The following GALNTL6 variants were observed in gnomAD, a reference collection of about 807,000 sequenced individuals.
The protein encoded by GALNTL6 is polypeptide N-acetylgalactosaminyltransferase like 6.
A neutral mutation model predicts 73.7 loss-of-function variants in GALNTL6; 46 were observed. The observed-to-expected ratio is 0.62, with a 90% CI of 0.49 to 0.80. GALNTL6 has a LOEUF of 0.80. Among genes scored for constraint, GALNTL6 ranks in the 30% least tolerant of loss-of-function variants. The probability of loss-of-function intolerance (pLI) is 0.00; values close to 1 mark genes in which losing one functional copy is unlikely to be tolerated. For missense variants in GALNTL6, 604 were observed against 755.0 expected (o/e 0.80, Z 2.34); for synonymous variants, 259 against 263.7 (o/e 0.98, Z 0.17).
chr4:172,708,769 A>T (rs1353604860), intron 5 of GALNTL6, among the ~76,000 whole-genome samples: 1 of 152,184 alleles, frequency 6.6e-6, no homozygotes, highest in Non-Finnish European at 1.5e-5. Context: ...CCATATCATA[A>T]TTGTATATCT....
At chr4:172,937,765 A>G (rs1748697150) in intron 9 of GALNTL6, among the ~76,000 whole-genome samples, 1 of 152,222 alleles carries the variant, frequency 6.6e-6, no homozygotes, top group Admixed American at 6.5e-5. Context: ...CATGAGGATG[A>G]GAAAAGGGTT....
At chr4:172,114,627 G>A (rs955860178) in intron 2 of GALNTL6, among the ~76,000 whole-genome samples, 10 of 151,918 alleles carry the variant, frequency 6.6e-5, no homozygotes, top group Non-Finnish European at 1.3e-4. Context: ...GTTATACGTC[G>A]GCACTGTGAG....
At chr4:172,734,099 C>T (rs1424267894) in intron 5 of GALNTL6, among the ~76,000 whole-genome samples, 1 of 152,148 alleles carries the variant, frequency 6.6e-6, no homozygotes, top group East Asian at 1.9e-4. Flanking sequence ...GTCACTCTTG[C>T]TATGCAAAGA....
chr4:172,648,081 G>C (rs1740317455), intron 5 of GALNTL6, among the ~76,000 whole-genome samples: 1 of 152,104 alleles, frequency 6.6e-6, no homozygotes, highest in Non-Finnish European at 1.5e-5. Flanking sequence ...GCTCCGGCAT[G>C]GGTAGATTTT....
intron 2 of GALNTL6, among the ~76,000 whole-genome samples, chr4:172,014,170 T>C (rs1741112871): frequency 6.6e-6 from 1 of 152,102 alleles, no homozygotes; most frequent in Admixed American, 6.6e-5. Context: ...TGAACAGTGC[T>C]GGAATAAACA....
At chr4:172,264,587 T>TGTC (rs1266161869) in intron 3 of GALNTL6, among the ~76,000 whole-genome samples, 1 of 86,782 alleles carries the variant, frequency 1.2e-5, no homozygotes, top group African/African-American at 4.4e-5. Flanking sequence ...TATATATATA[T>TGTC]ATATATTTGG....
chr4:172,631,425 G>C (rs535969801), intron 5 of GALNTL6, among the ~76,000 whole-genome samples: 2 of 152,094 alleles, frequency 1.3e-5, no homozygotes, highest in Non-Finnish European at 2.9e-5. Flanking sequence ...GATTACAGGC[G>C]TGAGCCACTG....
chr4:172,626,336 G>A (rs1285538004), intron 5 of GALNTL6, among the ~76,000 whole-genome samples: 1 of 152,064 alleles, frequency 6.6e-6, no homozygotes, highest in Non-Finnish European at 1.5e-5. Flanking sequence ...CAGGTGTGGG[G>A]CTTCATTTCT....
At chr4:172,915,326 C>A (rs1747444455) in intron 8 of GALNTL6, among the ~76,000 whole-genome samples, 1 of 152,118 alleles carries the variant, frequency 6.6e-6, no homozygotes, top group Admixed American at 6.5e-5. Context: ...CCTAACATCA[C>A]AATCAAAAGA....
chr4:171,986,659 G>A (rs558448739), intron 2 of GALNTL6, among the ~76,000 whole-genome samples: 1 of 152,208 alleles, frequency 6.6e-6, no homozygotes, highest in South Asian at 2.1e-4. Context: ...GGTAAGGGGT[G>A]ATCTTGTGGG....
rs201902330 is a variant in GALNTL6, at chr4:172,528,991, G to GTA, written c.553+180317_553+180318dup. ...TGTGTGTATATTTATACATATGTGT[G>GTA]TATATATATATATATACACACACAC... On this transcript the variant is annotated intron_variant, in intron 5 of 12. Coordinates refer to ENST00000506823, the MANE Select transcript of GALNTL6 (RefSeq NM_001034845.3). Among the ~76,000 whole-genome samples, 227 of 96,654 alleles carry GTA rather than the reference G, an allele frequency of 2.3e-3. 5 individuals are homozygous for GTA. Among genetic ancestry groups the GTA allele is most frequent in the African/African-American group, 7.7e-3 (214 of 27,704 alleles). 63.4% of individuals were successfully genotyped at this position (96,654 alleles called of 152,430 possible).
At chr4:172,797,537 G>GC (rs1239313086) in intron 5 of GALNTL6, among the ~76,000 whole-genome samples, 1 of 151,108 alleles carries the variant, frequency 6.6e-6, no homozygotes, top group Non-Finnish European at 1.5e-5. Flanking sequence ...GAGCCACCAC[G>GC]CCCGGCCTAT....
chr4:172,138,173 T>C (rs1733685749), intron 2 of GALNTL6, among the ~76,000 whole-genome samples: 2 of 152,014 alleles, frequency 1.3e-5, no homozygotes, highest in Admixed American at 1.3e-4. Flanking sequence ...AAAAAACTTA[T>C]AACTTGTTCA....
At chr4:171,831,882 A>C (rs1734985812) in intron 2 of GALNTL6, among the ~76,000 whole-genome samples, 1 of 151,652 alleles carries the variant, frequency 6.6e-6, no homozygotes, top group Non-Finnish European at 1.5e-5. Context: ...ATTATAAGAA[A>C]ATATGTGGAT....
chr4:171,872,275 G>A (rs942072688), intron 2 of GALNTL6, among the ~76,000 whole-genome samples: 3 of 152,040 alleles, frequency 2.0e-5, no homozygotes, highest in African/African-American at 7.2e-5. Flanking sequence ...GCCTAAGCCA[G>A]GTAGCTGTAT....
chr4:173,018,332 C>T (rs144599160), intron 11 of GALNTL6, among the ~76,000 whole-genome samples: 1 of 152,266 alleles, frequency 6.6e-6, no homozygotes, highest in African/African-American at 2.4e-5. Flanking sequence ...TTAAACAGCA[C>T]AAACTCATTT....
Position 172,330,716 on chromosome 4 carries a change from G to A in GALNTL6, c.387-17807G>A, listed in dbSNP as rs193078967. Among the ~76,000 whole-genome samples, 305 of 152,154 alleles carry A rather than the reference G, an allele frequency of 2.0e-3. 1 individual carries two copies. The highest frequency in any genetic ancestry group is 6.9e-3 in the African/African-American group (286 of 41,518). The stretch of plus-strand genomic sequence containing the variant: ...CTTCACTGAGCTTTTGAAGCTCAGC[G>A]TTTACCAATTTCATTAAATTTGGAA... On this transcript the variant is annotated intron_variant, in intron 4 of 12. Coordinates refer to ENST00000506823, the MANE Select transcript of GALNTL6 (RefSeq NM_001034845.3).
At chr4:171,995,560 C>T (rs905243867) in intron 2 of GALNTL6, among the ~76,000 whole-genome samples, 6 of 151,764 alleles carry the variant, frequency 4.0e-5, no homozygotes, top group Non-Finnish European at 7.4e-5. Context: ...GTGACAAAAA[C>T]CAGTGAAAAA....
chr4:172,138,818 G>A (rs551273089), intron 2 of GALNTL6, among the ~76,000 whole-genome samples: 1 of 151,352 alleles, frequency 6.6e-6, no homozygotes, highest in South Asian at 2.1e-4. Flanking sequence ...CTAAATAATT[G>A]TTATCTTTAT....
Sources: gnomAD v4.1 joint callset for allele counts (sites outside exome capture counted in the v4.1 genomes callset) on GRCh38, gnomAD v4.1.1 for gene constraint, MANE v1.5 for transcripts, NCBI Gene and HGNC (gene_info 2026-07-23, HGNC 2026-07-21) for gene names.